The following RANBP2 variants were observed in gnomAD, a reference collection of about 807,000 sequenced individuals.
RANBP2 encodes the protein E3 SUMO-protein ligase RanBP2.
Under a neutral mutation model 303.6 loss-of-function variants are expected in RANBP2, and 57 were observed. That is an observed-to-expected ratio of 0.19 (90% CI 0.15 to 0.23). The LOEUF (loss-of-function observed/expected upper bound fraction) is 0.23, where lower values mean the gene tolerates loss of function less well. Ranked by LOEUF, RANBP2 falls within the 10% of genes least tolerant of loss-of-function variation. The pLI, the probability that RANBP2 is intolerant of heterozygous loss-of-function variation, is 1.00. For synonymous variants in RANBP2, 1,167 were observed against 1,301.5 expected, an observed-to-expected ratio of 0.90 and a Z score of 2.23; for missense variants, 3,138 against 3,780.8, an observed-to-expected ratio of 0.83 and a Z score of 4.46.
At chr2:108,893,135 G>A in the RANBP2 span, among the ~76,000 whole-genome samples, 1 of 152,120 alleles carries the variant, frequency 6.6e-6, no homozygotes, top group African/African-American at 2.4e-5. Flanking sequence ...CTACATTCAT[G>A]GCTCAAAATC....
At chr2:109,249,467 C>CTCTTTCTTTCTT in the RANBP2 span, among the ~76,000 whole-genome samples, 1,603 of 99,142 alleles carry the variant, frequency 0.016, 84 homozygotes, top group Non-Finnish European at 0.021. Flanking sequence ...TTCTCTCTTT[C>CTCTTTCTTTCTT]TCTTTCTTTC....
chr2:108,891,683 A>G, the RANBP2 span, among the ~76,000 whole-genome samples: 3 of 152,036 alleles, frequency 2.0e-5, no homozygotes, highest in African/African-American at 4.8e-5. Context: ...AGTGGCAGCA[A>G]TGGATTGGGT....
the RANBP2 span, among the ~76,000 whole-genome samples, chr2:109,058,530 A>C: frequency 6.6e-6 from 1 of 152,200 alleles, no homozygotes; most frequent in Non-Finnish European, 1.5e-5. Context: ...AGGGATTTGC[A>C]CAAATGTGGC....
chr2:109,092,301 A>G, the RANBP2 span, among the ~76,000 whole-genome samples: 2 of 152,160 alleles, frequency 1.3e-5, no homozygotes, highest in African/African-American at 4.8e-5. Context: ...CTTTGCCCAG[A>G]GACCCCATTG....
Position 108,749,947 on chromosome 2 carries a change from C to T in RANBP2, c.1273+818C>T, listed in dbSNP as rs1724197. Among the ~76,000 whole-genome samples the T allele has an allele frequency of 2.0e-5, 3 of 151,908 alleles. No individual in the cohort carries two copies. In the East Asian group the frequency reaches 5.8e-4, roughly 29 times the overall value. Reference sequence around the variant, plus strand: ...GGCAGATCACCTGAGATCAGGAGTTCGAGACCATCCTGGCCAACATGGTGA... The same window carrying T: ...GGCAGATCACCTGAGATCAGGAGTTTGAGACCATCCTGGCCAACATGGTGA... On this transcript the variant is annotated intron_variant, in intron 9 of 28. Transcript: ENST00000283195.
Position 108,751,495 on chromosome 2 carries a change from T to C in RANBP2, c.1456-33T>C, listed in dbSNP as rs755286911. The C allele has an allele frequency of 4.3e-6, 7 of 1,611,820 alleles. No individual in the cohort carries two copies. In the South Asian group the frequency reaches 6.6e-5, roughly 15 times the overall value. On this transcript the variant is annotated intron_variant, in intron 10 of 28. Transcript: ENST00000283195. ...AATATTCTGAATTTTGTTTAATTTT[T>C]TTTCTAACTTAACTTTTCCTTAAAT...
At chr2:109,007,531 TGG>T in the RANBP2 span, among the ~76,000 whole-genome samples, 1 of 152,200 alleles carries the variant, frequency 6.6e-6, no homozygotes, top group Admixed American at 6.5e-5. Flanking sequence ...ACTGCTGCCC[TGG>T]AGGTCTGAGA....
At chr2:109,270,708 C>T in the RANBP2 span, among the ~76,000 whole-genome samples, 8 of 152,228 alleles carry the variant, frequency 5.3e-5, no homozygotes, top group Admixed American at 1.3e-4. Context: ...CTGGAGCATC[C>T]TTTGGAGACC....
At chr2:109,506,234 T>C in the RANBP2 span, among the ~76,000 whole-genome samples, 3 of 152,294 alleles carry the variant, frequency 2.0e-5, no homozygotes, top group East Asian at 5.8e-4. Context: ...TGGGAGTTGG[T>C]ATCCCTGCCT....
the RANBP2 span, chr2:109,371,586 G>A: frequency 1.2e-6 from 2 of 1,613,912 alleles, no homozygotes; most frequent in Non-Finnish European, 1.7e-6. Flanking sequence ...GGAACTGCAG[G>A]ACGAGATTCT....
the RANBP2 span, among the ~76,000 whole-genome samples, chr2:109,729,148 C>T: frequency 6.6e-6 from 1 of 152,204 alleles, no homozygotes; most frequent in East Asian, 1.9e-4. Flanking sequence ...AAAGCCAGTG[C>T]TGGAAGGCCA....
the RANBP2 span, among the ~76,000 whole-genome samples, chr2:108,955,922 G>C: frequency 1.3e-5 from 2 of 151,640 alleles, no homozygotes; most frequent in Non-Finnish European, 2.9e-5. Flanking sequence ...CCAGCTACTC[G>C]GGAGGCTGAG....
the RANBP2 span, chr2:108,923,441 C>T: frequency 8.7e-6 from 14 of 1,614,138 alleles, 1 homozygote; most frequent in South Asian, 1.3e-4. Context: ...GTCTGTTCTC[C>T]AGCATGTAGT....
the RANBP2 span, among the ~76,000 whole-genome samples, chr2:109,047,092 C>T: frequency 5.9e-5 from 9 of 152,226 alleles, no homozygotes; most frequent in Admixed American, 2.6e-4. Flanking sequence ...CCCAGCTCCT[C>T]CTTCAGCTCT....
At chr2:109,424,824 G>A in the RANBP2 span, among the ~76,000 whole-genome samples, 2 of 152,210 alleles carry the variant, frequency 1.3e-5, no homozygotes, top group African/African-American at 4.8e-5. Flanking sequence ...CTGAAATCAG[G>A]CCTTTTAGTA....
chr2:109,734,263 C>T, the RANBP2 span, among the ~76,000 whole-genome samples: 1 of 151,392 alleles, frequency 6.6e-6, no homozygotes, highest in Non-Finnish European at 1.5e-5. Flanking sequence ...TACAAAACCC[C>T]AGAGAATCCA....
the RANBP2 span, among the ~76,000 whole-genome samples, chr2:109,017,869 T>G: frequency 6.6e-6 from 1 of 152,166 alleles, no homozygotes; most frequent in Non-Finnish European, 1.5e-5. Flanking sequence ...CCCCCGTTGT[T>G]AGGCTGAGCA....
At position 108,736,351 on chromosome 2, in the gene RANBP2, A is replaced by C. The variant is rs1014119777; in HGVS notation, c.782+102A>C. On this transcript the variant is annotated intron_variant, in intron 6 of 28. Coordinates refer to ENST00000283195, the MANE Select transcript of RANBP2 (RefSeq NM_006267.5). ...TCTTCACTGAATCATTATTTGTATAATGTACCTAGGAGTTATAGTTAATAC... is the reference window on the plus strand; with the variant it reads ...TCTTCACTGAATCATTATTTGTATACTGTACCTAGGAGTTATAGTTAATAC... 9 of 1,600,700 alleles carry C rather than the reference A, an allele frequency of 5.6e-6. No individual in the cohort carries two copies. In the African/African-American group the frequency reaches 1.2e-4, roughly 21 times the overall value.
chr2:108,756,441 CAT>C (rs1405204274), intron 17 of RANBP2, among the ~76,000 whole-genome samples: 1 of 152,186 alleles, frequency 6.6e-6, no homozygotes, highest in Non-Finnish European at 1.5e-5. Context: ...CTAAATTACT[CAT>C]ACTGCTAAGG....
Sources: gnomAD v4.1 joint callset for allele counts (sites outside exome capture counted in the v4.1 genomes callset) on GRCh38, gnomAD v4.1.1 for gene constraint, MANE v1.5 for transcripts, NCBI Gene and HGNC (gene_info 2026-07-23, HGNC 2026-07-21) for gene names.